Variants in DCK observed in about 807,000 individuals in gnomAD.
The protein encoded by DCK is deoxyadenosine kinase.
In DCK, 23 loss-of-function variants were observed where a neutral mutation model predicts 38.3. The ratio of observed to expected loss-of-function variants is 0.60; its 90% confidence interval spans 0.43 to 0.85. DCK has a LOEUF of 0.85. Among genes scored for constraint, DCK ranks in the 40% least tolerant of loss-of-function variants. DCK has a pLI of 0.00. For missense variants in DCK, 259 were observed against 304.4 expected (o/e 0.85, Z 1.11); for synonymous variants, 108 against 100.6 (o/e 1.07, Z -0.44).
intron 2 of DCK, among the ~76,000 whole-genome samples, chr4:71,007,505 A>T (rs762220699): frequency 6.6e-6 from 1 of 152,180 alleles, no homozygotes; most frequent in Non-Finnish European, 1.5e-5. Context: ...TTGTGATAAT[A>T]ATTTTCCTGC....
At chr4:71,018,904 T>C (rs1160316897) in intron 2 of DCK, among the ~76,000 whole-genome samples, 2 of 152,102 alleles carry the variant, frequency 1.3e-5, no homozygotes, top group Non-Finnish European at 2.9e-5. Context: ...ACTCCTGAGC[T>C]TAAGTGATCC....
intron 3 of DCK, 104 bp from the exon 4 acceptor site, chr4:71,023,455 G>T: frequency 1.3e-6 from 1 of 760,168 alleles, no homozygotes. Context: ...ACGGCACTAT[G>T]TGCCACTGGA....
At chr4:71,023,527 T>G in intron 3 of DCK, 32 bp from the exon 4 acceptor site, 2 of 1,343,820 alleles carry the variant, frequency 1.5e-6, no homozygotes, top group Non-Finnish European at 2.0e-6. Flanking sequence ...TTTTTTGAAA[T>G]GATACATGTG....
In DCK at chr4:71,022,434, G is replaced by A; in HGVS notation, c.275G>A (p.Trp92Ter). The stretch of plus-strand genomic sequence containing the variant: ...ATGATGTATGAGAAACCTGAACGAT[G>A]GTCTTTTACCTTCCAAACATATGCC... ...LQMMYEKPERWSFTFQTYACL... is the reference protein window; with the variant it reads ...LQMMYEKPER The change falls in exon 3 of 7, where the codon TGG becomes TAG. Residue 92 changes from tryptophan to a stop codon, truncating the protein, a stop_gained. Transcript: ENST00000286648. LOFTEE classifies it high-confidence loss of function. The A allele has an allele frequency of 6.2e-7, 1 of 1,606,274 alleles. No individual in the cohort carries two copies. Among genetic ancestry groups the A allele is most frequent in the Non-Finnish European group, 8.5e-7 (1 of 1,176,868 alleles).
intron 1 of DCK, among the ~76,000 whole-genome samples, chr4:70,996,367 GA>G (rs374338862): frequency 9.2e-5 from 14 of 151,542 alleles, no homozygotes; most frequent in African/African-American, 3.1e-4. Flanking sequence ...TGTGTCTAAA[GA>G]AAAAAAAATT....
chr4:71,016,993 G>A (rs979854306), intron 2 of DCK, among the ~76,000 whole-genome samples: 2 of 152,222 alleles, frequency 1.3e-5, no homozygotes, highest in Middle Eastern at 3.4e-3. Flanking sequence ...AGAGTGAACA[G>A]GCAACCTACA....
At chr4:71,026,588 T>TA in intron 5 of DCK, 77 bp from the exon 6 acceptor site, 1 of 769,754 alleles carries the variant, frequency 1.3e-6, no homozygotes, top group East Asian at 2.6e-5. Flanking sequence ...TCCAAGGACA[T>TA]ACGAATGAAT....
chr4:71,009,396 C>A (rs944101774), intron 2 of DCK, among the ~76,000 whole-genome samples: 9 of 152,146 alleles, frequency 5.9e-5, no homozygotes, highest in Admixed American at 2.0e-4. Context: ...GAATCAGAGC[C>A]CAGAGGGATT....
intron 2 of DCK, 31 bp from the exon 3 acceptor site, chr4:71,022,336 C>T: frequency 7.3e-7 from 1 of 1,363,044 alleles, no homozygotes; most frequent in Non-Finnish European, 9.8e-7. Context: ...ATTAATTTTG[C>T]TTTTTATTTC....
At chr4:71,001,073 G>C (rs568242228) in intron 2 of DCK, among the ~76,000 whole-genome samples, 1 of 152,288 alleles carries the variant, frequency 6.6e-6, no homozygotes, top group Admixed American at 6.5e-5. Flanking sequence ...AGGTGAGAGA[G>C]GGCATCCTTA....
At position 70,998,081 on chromosome 4, in the gene DCK, A is replaced by G; in HGVS notation, c.106A>G (p.Thr36Ala). 6.3e-7 allele frequency: 1 copy of G among 1,584,534 alleles called. No homozygotes were observed. The highest frequency in any genetic ancestry group is 8.6e-7 in the Non-Finnish European group (1 of 1,161,662). Reference sequence around the variant, plus strand: ...CCTCACAACAGCTGCAGGGAAGTCAACATTTGTGAATATCCTTAAACAATT... The same window carrying G: ...CCTCACAACAGCTGCAGGGAAGTCAGCATTTGTGAATATCCTTAAACAATT... ...IEGNIAAGKS[T>A]FVNILKQLCE... The change falls in exon 2 of 7, where the codon ACA becomes GCA. Residue 36 changes from threonine to alanine, a missense_variant. Coordinates refer to ENST00000286648, the MANE Select transcript of DCK (RefSeq NM_000788.3).
intron 2 of DCK, among the ~76,000 whole-genome samples, chr4:70,998,646 G>T (rs769978885): frequency 3.3e-5 from 5 of 152,118 alleles, no homozygotes; most frequent in African/African-American, 1.2e-4. Context: ...CATTGAGGCC[G>T]GGGTTGGTGG....
intron 2 of DCK, among the ~76,000 whole-genome samples, chr4:71,014,305 C>T (rs1020977506): frequency 1.8e-4 from 28 of 152,248 alleles, no homozygotes; most frequent in African/African-American, 6.3e-4. Flanking sequence ...CTTAGACTCC[C>T]ACACAATAAT....
intron 4 of DCK, 35 bp from the exon 5 acceptor site, chr4:71,025,781 G>T: frequency 6.4e-7 from 1 of 1,563,736 alleles, no homozygotes; most frequent in Admixed American, 1.9e-5. Flanking sequence ...ATTGTTCCCT[G>T]CCTTTTTCTT....
intron 2 of DCK, among the ~76,000 whole-genome samples, chr4:71,001,405 A>G (rs2148912659): frequency 6.6e-6 from 1 of 151,642 alleles, no homozygotes; most frequent in East Asian, 1.9e-4. Context: ...TTTATTGAGG[A>G]TTTTCGCATC....
chr4:71,014,542 A>G (rs1163806799), intron 2 of DCK, among the ~76,000 whole-genome samples: 2 of 151,982 alleles, frequency 1.3e-5, no homozygotes, highest in African/African-American at 4.8e-5. Context: ...CAGAAAATGT[A>G]AAAGAACAGA....
At chr4:71,011,590 T>C (rs1272787851) in intron 2 of DCK, among the ~76,000 whole-genome samples, 1 of 152,182 alleles carries the variant, frequency 6.6e-6, no homozygotes, top group African/African-American at 2.4e-5. Context: ...ACTCCTGGGA[T>C]CAAGCAATCC....
At chr4:70,994,974 G>A (rs899891633) in intron 1 of DCK, among the ~76,000 whole-genome samples, 2 of 152,128 alleles carry the variant, frequency 1.3e-5, no homozygotes, top group African/African-American at 4.8e-5. Context: ...TTAGCTCCAG[G>A]TTGGGTGCTG....
intron 2 of DCK, among the ~76,000 whole-genome samples, chr4:71,018,171 G>T (rs1740320705): frequency 1.5e-5 from 2 of 132,934 alleles, no homozygotes; most frequent in South Asian, 4.7e-4. Flanking sequence ...CTGTCTCCCA[G>T]GCTGGAGTGC....
Sources: allele counts gnomAD v4.1 joint callset (sites outside exome capture counted in the v4.1 genomes callset), GRCh38; gene constraint gnomAD v4.1.1; transcripts MANE v1.5; gene names NCBI Gene and HGNC (gene_info 2026-07-23, HGNC 2026-07-21).